The following CNTNAP2 variants were observed in gnomAD, a reference collection of about 807,000 sequenced individuals.
The protein encoded by CNTNAP2 is contactin-associated protein-like 2.
CNTNAP2 carries 98 observed loss-of-function variants against 155.2 expected under a neutral mutation model. That is an observed-to-expected ratio of 0.63 (90% CI 0.54 to 0.75). CNTNAP2 has a LOEUF of 0.75. Among genes scored for constraint, CNTNAP2 ranks in the 30% least tolerant of loss-of-function variants. CNTNAP2 has a pLI of 0.00. For synonymous variants in CNTNAP2, 651 were observed against 631.2 expected (o/e 1.03, Z -0.47); for missense variants, 1,727 against 1,688.1 (o/e 1.02, Z -0.40).
At chr7:146,134,505 G>T (rs548571193) in intron 1 of CNTNAP2, among the ~76,000 whole-genome samples, 1 of 151,584 alleles carries the variant, frequency 6.6e-6, no homozygotes, top group Non-Finnish European at 1.5e-5. Flanking sequence ...CAAAGGGAAT[G>T]CTTCCAGTTT....
intron 1 of CNTNAP2, among the ~76,000 whole-genome samples, chr7:146,680,821 C>T (rs1483130971): frequency 6.6e-6 from 1 of 152,130 alleles, no homozygotes; most frequent in African/African-American, 2.4e-5. Flanking sequence ...GTCACTGATC[C>T]ATGGGCCTGT....
intron 1 of CNTNAP2, among the ~76,000 whole-genome samples, chr7:146,348,982 G>T (rs553450353): frequency 6.6e-6 from 1 of 151,822 alleles, no homozygotes; most frequent in Non-Finnish European, 1.5e-5. Flanking sequence ...TTTTATTGTC[G>T]TGTTAATAAA....
At chr7:147,946,766 A>G (rs1244910376) in intron 14 of CNTNAP2, among the ~76,000 whole-genome samples, 1 of 152,162 alleles carries the variant, frequency 6.6e-6, no homozygotes, top group African/African-American at 2.4e-5. Context: ...ACAAAGAAGC[A>G]TGTTGAATCT....
At chr7:147,397,578 G>A (rs972633690) in intron 10 of CNTNAP2, among the ~76,000 whole-genome samples, 1 of 151,916 alleles carries the variant, frequency 6.6e-6, no homozygotes, top group African/African-American at 2.4e-5. Context: ...TAAAGAAAGA[G>A]GGGTGATATG....
At chr7:146,971,563 G>T (rs779748651) in intron 3 of CNTNAP2, among the ~76,000 whole-genome samples, 9 of 152,154 alleles carry the variant, frequency 5.9e-5, no homozygotes, top group Non-Finnish European at 1.2e-4. Flanking sequence ...TGGAAGCTGG[G>T]AAGTCCAAAC....
intron 2 of CNTNAP2, among the ~76,000 whole-genome samples, chr7:146,780,234 G>A (rs925640353): frequency 6.6e-6 from 1 of 151,724 alleles, no homozygotes; most frequent in African/African-American, 2.4e-5. Context: ...TGCCCAGGCT[G>A]GAGTGCAGTG....
chr7:147,340,839 T>C (rs552385904), intron 9 of CNTNAP2, among the ~76,000 whole-genome samples: 42 of 152,200 alleles, frequency 2.8e-4, no homozygotes, highest in African/African-American at 9.9e-4. Flanking sequence ...TTTTTGACTA[T>C]TGTCTAAATA....
In CNTNAP2 at chr7:146,454,822, A is replaced by G. The variant is rs1796532278; in HGVS notation, c.98-319449A>G. ...AATTGTTTTGGAAAAATTTGGAAAT[A>G]AAGTGAATATAATAAATACATATAT... On this transcript the variant is annotated intron_variant, in intron 1 of 23. Coordinates refer to ENST00000361727, the MANE Select transcript of CNTNAP2 (RefSeq NM_014141.6). Among the ~76,000 whole-genome samples the G allele has an allele frequency of 2.0e-5, 3 of 152,112 alleles. 1 individual carries two copies. In the South Asian group the frequency reaches 6.2e-4, roughly 31 times the overall value.
intron 10 of CNTNAP2, among the ~76,000 whole-genome samples, chr7:147,438,978 T>C (rs1030090627): frequency 1.1e-4 from 17 of 152,072 alleles, no homozygotes; most frequent in African/African-American, 4.1e-4. Flanking sequence ...GCATCTTCTC[T>C]CTTTTTCTGT....
At chr7:147,951,815 T>C (rs367649774) in intron 14 of CNTNAP2, among the ~76,000 whole-genome samples, 10 of 151,966 alleles carry the variant, frequency 6.6e-5, no homozygotes, top group East Asian at 5.8e-4. Flanking sequence ...AAATACCTAA[T>C]GCATGCGGGG....
At chr7:147,364,371 A>G (rs1056416824) in intron 9 of CNTNAP2, among the ~76,000 whole-genome samples, 2 of 152,202 alleles carry the variant, frequency 1.3e-5, no homozygotes, top group African/African-American at 2.4e-5. Context: ...CATTACATAC[A>G]TATACAATTG....
Position 146,947,578 on chromosome 7 carries a change from T to TATATAC in CNTNAP2, c.403-96324_403-96323insCATATA, listed in dbSNP as rs1554414010. Reference sequence around the variant, plus strand: ...GTGTGTATATATATATATATATACATATATATATATATATATATATGTATA... The same window carrying TATATAC: ...GTGTGTATATATATATATATATACATATATACATATATATATATATATATATGTATA... On this transcript the variant is annotated intron_variant, in intron 3 of 23. Transcript: ENST00000361727. Among the ~76,000 whole-genome samples, 22 of 65,898 alleles carry TATATAC rather than the reference T, an allele frequency of 3.3e-4. No homozygotes were observed. The South Asian group carries it at 3.5e-3, about 11-fold the overall frequency. 43.2% of individuals were successfully genotyped at this position (65,898 alleles called of 152,430 possible). A position where few individuals can be genotyped will look rare whatever the true frequency, so the allele number is the denominator to read the frequency against.
At chr7:146,659,519 A>T (rs117180139) in intron 1 of CNTNAP2, among the ~76,000 whole-genome samples, 124 of 152,270 alleles carry the variant, frequency 8.1e-4, no homozygotes, top group Non-Finnish European at 1.5e-3. Context: ...TTTTTCAGGG[A>T]TTCTCTAGAA....
At chr7:147,578,718 A>T (rs532480932) in intron 12 of CNTNAP2, among the ~76,000 whole-genome samples, 1 of 152,210 alleles carries the variant, frequency 6.6e-6, no homozygotes, top group South Asian at 2.1e-4. Context: ...ATAAAAAATT[A>T]TGGGATTTAT....
At chr7:146,502,224 A>ATATAT (rs1797311652) in intron 1 of CNTNAP2, among the ~76,000 whole-genome samples, 2 of 94,808 alleles carry the variant, frequency 2.1e-5, no homozygotes, top group Admixed American at 2.8e-4. Context: ...TATATATATG[A>ATATAT]ATATATATAT....
intron 15 of CNTNAP2, among the ~76,000 whole-genome samples, chr7:147,986,251 T>C (rs551410547): frequency 2.0e-5 from 3 of 152,310 alleles, no homozygotes; most frequent in Admixed American, 6.5e-5. Flanking sequence ...TTCGATTTAC[T>C]TGGGTTTGGT....
chr7:147,124,075 C>T (rs190298937), intron 6 of CNTNAP2, among the ~76,000 whole-genome samples: 93 of 152,024 alleles, frequency 6.1e-4, no homozygotes, highest in African/African-American at 1.6e-3. Context: ...AAACACCTCA[C>T]GGACTGTATT....
intron 21 of CNTNAP2, among the ~76,000 whole-genome samples, chr7:148,287,338 C>T (rs1797100346): frequency 6.6e-6 from 1 of 152,038 alleles, no homozygotes; most frequent in African/African-American, 2.4e-5. Flanking sequence ...TTTGAACAGC[C>T]ACTATAGAAA....
intron 21 of CNTNAP2, among the ~76,000 whole-genome samples, chr7:148,311,157 T>C (rs1282871480): frequency 1.4e-5 from 2 of 145,552 alleles, no homozygotes; most frequent in Non-Finnish European, 2.9e-5. Flanking sequence ...GGGTGGCAGC[T>C]TGCTGATGTG....
Sources: gnomAD v4.1 joint callset for allele counts (sites outside exome capture counted in the v4.1 genomes callset) on GRCh38, gnomAD v4.1.1 for gene constraint, MANE v1.5 for transcripts, NCBI Gene and HGNC (gene_info 2026-07-23, HGNC 2026-07-21) for gene names.